CCDC82: variants seen among roughly 807,000 people sequenced by gnomAD.
CCDC82 encodes the protein coiled-coil domain-containing protein 82.
CCDC82 carries 47 observed loss-of-function variants against 60.6 expected under a neutral mutation model. The ratio of observed to expected loss-of-function variants is 0.77; its 90% CI spans 0.61 to 0.99. The LOEUF is 0.99. Ranked by LOEUF, CCDC82 falls within the 50% of genes least tolerant of loss-of-function variation. The probability of loss-of-function intolerance (pLI) is 0.00; values close to 1 mark genes in which losing one functional copy is unlikely to be tolerated. For missense variants in CCDC82, 588 were observed against 633.0 expected (o/e 0.93, Z 0.76); for synonymous variants, 212 against 207.4 (o/e 1.02, Z -0.19).
chr11:96,367,718 T>C (rs1865022006), intron 7 of CCDC82, among the ~76,000 whole-genome samples: 1 of 152,188 alleles, frequency 6.6e-6, no homozygotes, highest in South Asian at 2.1e-4. Flanking sequence ...CTTGATGGCA[T>C]CTAGAATGGT....
chr11:96,373,494 G>C (rs528293478), intron 5 of CCDC82, 27 bp from the exon 6 acceptor site: 2 of 1,359,440 alleles, frequency 1.5e-6, no homozygotes, highest in South Asian at 2.4e-5. Flanking sequence ...ATAAATATTA[G>C]AACAGAGCAG....
intron 5 of CCDC82, among the ~76,000 whole-genome samples, chr11:96,377,111 T>G (rs1865615705): frequency 6.6e-6 from 1 of 152,208 alleles, no homozygotes; most frequent in African/African-American, 2.4e-5. Context: ...AGATTTTTGA[T>G]GTACTTTCTT....
intron 1 of CCDC82, chr11:96,388,370 AATG>A (rs1349091628): frequency 1.3e-5 from 2 of 152,222 alleles, no homozygotes; most frequent in Non-Finnish European, 2.9e-5. Flanking sequence ...GAGCTTCTGT[AATG>A]ATACCTTACC....
At chr11:96,353,847 C>A in intron 9 of CCDC82, 133 bp from the exon 10 acceptor site, 2 of 594,536 alleles carry the variant, frequency 3.4e-6, no homozygotes, top group Non-Finnish European at 5.9e-6. Context: ...TTATGATAAA[C>A]AGGAACTTAA....
chr11:96,361,734 T>A (rs1025986425), intron 8 of CCDC82, among the ~76,000 whole-genome samples: 1 of 152,216 alleles, frequency 6.6e-6, no homozygotes, highest in Admixed American at 6.5e-5. Flanking sequence ...TTGTATAAAA[T>A]ACTAAAACAG....
chr11:96,357,608 A>G (rs1435812330), intron 9 of CCDC82: 3 of 981,776 alleles, frequency 3.1e-6, no homozygotes, highest in Non-Finnish European at 3.6e-6. Flanking sequence ...TCTTCCCCAT[A>G]TATGATACTA....
intron 6 of CCDC82, among the ~76,000 whole-genome samples, chr11:96,372,868 C>CA (rs1233820311): frequency 1.3e-5 from 2 of 151,368 alleles, no homozygotes; most frequent in African/African-American, 4.9e-5. Context: ...TTACCATACT[C>CA]AGAATGATGG....
intron 8 of CCDC82, among the ~76,000 whole-genome samples, chr11:96,361,525 T>C (rs1340197978): frequency 2.0e-5 from 3 of 152,204 alleles, no homozygotes; most frequent in Non-Finnish European, 2.9e-5. Context: ...ACATTTTATA[T>C]GGAAGAACCT....
At chr11:96,374,921 T>C in intron 5 of CCDC82, among the ~76,000 whole-genome samples, 1 of 152,214 alleles carries the variant, frequency 6.6e-6, no homozygotes. Flanking sequence ...GTGAATCTTA[T>C]TAAAAATTTC....
In CCDC82 at chr11:96,387,511, T is replaced by C. The variant is rs772802055; in HGVS notation, c.-55+19A>G. 2 of 152,174 alleles carry C rather than the reference T, an allele frequency of 1.3e-5. No individual in the cohort carries two copies. The highest frequency in any genetic ancestry group is 2.4e-5 in the African/African-American group (1 of 41,432). The allele number at this position is 152,174 out of a possible 1,614,324, so 9.4% of individuals were successfully genotyped here. A position where few individuals can be genotyped will look rare whatever the true frequency, so the allele number is the denominator to read the frequency against. ...TGTGTAAATATCAAAGCCAAGGACATAGAGTTTAAATGACTTACCGAAGAT... is the reference window on the plus strand; with the variant it reads ...TGTGTAAATATCAAAGCCAAGGACACAGAGTTTAAATGACTTACCGAAGAT... On this transcript the variant is annotated intron_variant, in intron 2 of 9. Transcript: ENST00000646818.
At chr11:96,368,739 G>A (rs10831516) in intron 7 of CCDC82, among the ~76,000 whole-genome samples, 53,941 of 151,804 alleles carry the variant, frequency 0.36, 9,861 homozygotes, top group Non-Finnish European at 0.4. Context: ...GGTGGCAGGC[G>A]CCTGTAGTCC....
intron 7 of CCDC82, among the ~76,000 whole-genome samples, chr11:96,369,558 A>G (rs1865147808): frequency 6.6e-6 from 1 of 152,216 alleles, no homozygotes; most frequent in Non-Finnish European, 1.5e-5. Flanking sequence ...TGGAGCAGTC[A>G]GCACACACAT....
chr11:96,378,326 T>C (rs559276917), intron 5 of CCDC82, among the ~76,000 whole-genome samples: 2 of 152,184 alleles, frequency 1.3e-5, no homozygotes, highest in Admixed American at 6.5e-5. Flanking sequence ...AAATGCTTTA[T>C]AGCATTTTCT....
At chr11:96,376,431 T>TA (rs1865577574) in intron 5 of CCDC82, among the ~76,000 whole-genome samples, 1 of 99,720 alleles carries the variant, frequency 1.0e-5, no homozygotes, top group Non-Finnish European at 2.0e-5. Context: ...CGTGCTTTTC[T>TA]TTTTTTTTTT....
rs887021898 is a variant in CCDC82, at chr11:96,386,300, A to C, written c.-54-7T>G. 19 of 152,376 alleles carry C rather than the reference A, an allele frequency of 1.2e-4. No individual in the cohort carries two copies. Among genetic ancestry groups the C allele is most frequent in the African/African-American group, 4.3e-4 (18 of 41,430 alleles). 9.4% of individuals were successfully genotyped at this position (152,376 alleles called of 1,614,324 possible). A position where few individuals can be genotyped will look rare whatever the true frequency, so the allele number is the denominator to read the frequency against. On this transcript the variant is annotated splice_polypyrimidine_tract_variant and splice_region_variant and intron_variant, in intron 2 of 9. Coordinates refer to ENST00000646818, the MANE Select transcript of CCDC82 (RefSeq NM_024725.4). The stretch of plus-strand genomic sequence containing the variant: ...CAAGAGGATTACTTTTTTCCTATAG[A>C]TTGTGGAAGAGAGGATACAGCTCAT...
At chr11:96,357,528 C>G in intron 9 of CCDC82, 5 of 985,326 alleles carry the variant, frequency 5.1e-6, no homozygotes, top group Non-Finnish European at 6.0e-6. Context: ...CTTCTGGTGT[C>G]CTAAACCTTG....
At chr11:96,371,836 C>T (rs1410663759) in intron 6 of CCDC82, among the ~76,000 whole-genome samples, 1 of 152,174 alleles carries the variant, frequency 6.6e-6, no homozygotes, top group East Asian at 1.9e-4. Flanking sequence ...GCGTTTTCCT[C>T]ATTCTTCTTT....
chr11:96,382,872 T>C (rs1167178997), intron 5 of CCDC82: 2 of 158,568 alleles, frequency 1.3e-5, no homozygotes, highest in Non-Finnish European at 2.8e-5. Context: ...ACATTAAAGA[T>C]TTACAAGAAT....
chr11:96,353,876 A>T, intron 9 of CCDC82, 162 bp from the exon 10 acceptor site: 1 of 544,424 alleles, frequency 1.8e-6, no homozygotes, highest in Non-Finnish European at 3.2e-6. Context: ...AAGCATTCCT[A>T]ACTCATATAT....
Sources: allele counts gnomAD v4.1 joint callset (sites outside exome capture counted in the v4.1 genomes callset), GRCh38; gene constraint gnomAD v4.1.1; transcripts MANE v1.5; gene names NCBI Gene and HGNC (gene_info 2026-07-23, HGNC 2026-07-21).